Variants in ZNF431 observed in about 807,000 individuals in gnomAD.
The protein encoded by ZNF431 is zinc finger protein 431.
ZNF431 carries 34 observed loss-of-function variants against 57.0 expected under a neutral mutation model. The ratio of observed to expected loss-of-function variants is 0.60; its 90% CI spans 0.45 to 0.79. ZNF431 has a LOEUF of 0.79. Ranked by LOEUF, ZNF431 falls within the 30% of genes least tolerant of loss-of-function variation. The pLI, the probability that ZNF431 is intolerant of heterozygous loss-of-function variation, is 0.00. For missense variants in ZNF431, 607 were observed against 667.1 expected, an observed-to-expected ratio of 0.91 and a Z score of 0.99; for synonymous variants, 207 against 220.3, an observed-to-expected ratio of 0.94 and a Z score of 0.54.
chr19:21,143,039 C>T (rs751422698), intron 1 of ZNF431, among the ~76,000 whole-genome samples: 8 of 152,226 alleles, frequency 5.3e-5, no homozygotes, highest in Admixed American at 3.3e-4. Context: ...GTCTAACCCC[C>T]ATTCCTCATT....
rs569251044 is a variant in ZNF431 at position 21,180,958 on chromosome 19, AAAG to A, written c.320-1662_320-1660del. Among the ~76,000 whole-genome samples the A allele has an allele frequency of 7.8e-3, 1,188 of 152,002 alleles. 15 individuals are homozygous for A. Among genetic ancestry groups the A allele is most frequent in the African/African-American group, 0.024 (1,000 of 41,458 alleles). On this transcript the variant is annotated intron_variant, in intron 4 of 4. Coordinates refer to ENST00000311048, the MANE Select transcript of ZNF431 (RefSeq NM_133473.4). ...CCATATCAAAAGAAAAAAAAAAAAA[AAAG>A]AACTTCAGTTGCATCCAAAAATTTT...
intron 2 of ZNF431, among the ~76,000 whole-genome samples, chr19:21,158,810 A>G (rs960662819): frequency 6.6e-6 from 1 of 151,956 alleles, no homozygotes; most frequent in African/African-American, 2.4e-5. Context: ...GATGTCTTTT[A>G]TTTTAATCTT....
intron 2 of ZNF431, among the ~76,000 whole-genome samples, chr19:21,147,748 G>A (rs1428779366): frequency 2.0e-5 from 3 of 152,114 alleles, no homozygotes; most frequent in African/African-American, 7.2e-5. Flanking sequence ...AAGGTTGCAT[G>A]TTGACTCAGA....
rs904714627 is a variant in ZNF431, at chr19:21,144,524, G to A, written c.96+881G>A. ...TGGCAGGTAGGAAAATATTTACAAA[G>A]GGCATAAAAGAGGTGGGTTTTAGAA... On this transcript the variant is annotated intron_variant, in intron 2 of 4. Transcript: ENST00000311048. Among the ~76,000 whole-genome samples the A allele has an allele frequency of 2.5e-4, 38 of 151,980 alleles. 1 individual carries two copies. The highest frequency in any genetic ancestry group is 6.6e-5 in the Admixed American group (1 of 15,250).
intron 4 of ZNF431, 83 bp downstream of exon 4, chr19:21,167,749 T>G: frequency 1.1e-6 from 1 of 938,494 alleles, no homozygotes; most frequent in Non-Finnish European, 1.5e-6. Flanking sequence ...CCTTACAATG[T>G]GTTTTGGGAA....
Position 21,188,872 on chromosome 19 carries a change from G to T in ZNF431, c.*4838G>T, listed in dbSNP as rs1019983321. On this transcript the variant is annotated 3_prime_UTR_variant, in exon 5 of 5. Transcript: ENST00000311048. Reference sequence around the variant, plus strand: ...TTACCATCAGCACCAGAAACTCCAGGTGCCCCAAGCTTAAAGTAAAAATCC... The same window carrying T: ...TTACCATCAGCACCAGAAACTCCAGTTGCCCCAAGCTTAAAGTAAAAATCC... 2 of 152,104 alleles carry T rather than the reference G, an allele frequency of 1.3e-5. No individual in the cohort carries two copies. Among genetic ancestry groups the T allele is most frequent in the African/African-American group, 4.8e-5 (2 of 41,402 alleles). 9.4% of individuals were successfully genotyped at this position (152,104 alleles called of 1,614,324 possible).
chr19:21,183,578 G>T lies in ZNF431; in HGVS notation c.1275G>T (p.Glu425Asp). Residue 425 changes from glutamate (E) to aspartate (D), a missense_variant, in exon 5 of 5, where the codon GAG (glutamate) becomes GAT (aspartate). Physicochemically the swap from Glu to Asp is conservative, Grantham distance 45 (BLOSUM62 2). Coordinates refer to ENST00000311048, the MANE Select transcript of ZNF431 (RefSeq NM_133473.4). ...LTTHKMIHTG[E>D]KPYKCEECGK... ...CACATAAGATGATTCATACTGGAGA[G>T]AAACCCTACAAATGTGAAGAATGTG... is the stretch of plus-strand genomic sequence containing the variant. 6.2e-7 allele frequency: 1 copy of T among 1,613,348 alleles called. No homozygotes were observed. Among genetic ancestry groups the T allele is most frequent in the East Asian group, 2.2e-5 (1 of 44,860 alleles).
Position 21,191,453 on chromosome 19 carries a change from A to G in ZNF431, c.*7419A>G, listed in dbSNP as rs76052996. 6.8e-6 allele frequency: 1 copy of G among 147,170 alleles called. No individual in the cohort carries two copies. The highest frequency in any genetic ancestry group is 2.5e-5 in the African/African-American group (1 of 40,064). 9.1% of individuals were successfully genotyped at this position (147,170 alleles called of 1,614,324 possible). On this transcript the variant is annotated 3_prime_UTR_variant, in exon 5 of 5. Coordinates refer to ENST00000311048, the MANE Select transcript of ZNF431 (RefSeq NM_133473.4). ...GGCAACAGAATGAAACTCTGTCTCAAAAAAAAAAAAAAATTTGCTGCCCAG... is the reference window on the plus strand; with the variant it reads ...GGCAACAGAATGAAACTCTGTCTCAGAAAAAAAAAAAAATTTGCTGCCCAG...
Position 21,183,584 on chromosome 19 carries a change from C to A in ZNF431, c.1281C>A (p.Pro427=), listed in dbSNP as rs1971276425. The change falls in exon 5 of 5, where the codon CCC becomes CCA. Residue 427 remains proline, a synonymous_variant. Coordinates refer to ENST00000311048, the MANE Select transcript of ZNF431 (RefSeq NM_133473.4). ...THKMIHTGEK[P]YKCEECGKAF... Reference sequence around the variant, plus strand: ...AGATGATTCATACTGGAGAGAAACCCTACAAATGTGAAGAATGTGGCAAAG... The same window carrying A: ...AGATGATTCATACTGGAGAGAAACCATACAAATGTGAAGAATGTGGCAAAG... The A allele has an allele frequency of 6.2e-7, 1 of 1,612,538 alleles. No individual in the cohort carries two copies. Among genetic ancestry groups the A allele is most frequent in the East Asian group, 2.2e-5 (1 of 44,786 alleles).
In ZNF431 at chr19:21,143,557, T is replaced by C. The variant is rs1363667801; in HGVS notation, c.10T>C (p.Leu4=). 2 of 1,613,454 alleles carry C rather than the reference T, an allele frequency of 1.2e-6. No homozygotes were observed. Among genetic ancestry groups the C allele is most frequent in the South Asian group, 1.1e-5 (1 of 90,994 alleles). ...GGTTTATTTTCTTCCATAGGACGAC[T>C]TGAAATATGGAGTGTATCCTCTCAA... MDD[L]KYGVYPLKEA... Residue 4 remains leucine, a synonymous_variant, in exon 2 of 5, where the codon TTG becomes CTG. Transcript: ENST00000311048.
intron 4 of ZNF431, among the ~76,000 whole-genome samples, chr19:21,171,825 A>G (rs1396692006): frequency 6.9e-6 from 1 of 145,312 alleles, no homozygotes; most frequent in Non-Finnish European, 1.5e-5. Flanking sequence ...GGTTCAAGTG[A>G]TTCTCCTGCC....
chr19:21,170,942 G>A (rs934151850), intron 4 of ZNF431, among the ~76,000 whole-genome samples: 25 of 152,230 alleles, frequency 1.6e-4, no homozygotes, highest in African/African-American at 5.8e-4. Flanking sequence ...CAGATTGCTG[G>A]GATTACAGGC....
chr19:21,168,573 G>T (rs1229211984), intron 4 of ZNF431, among the ~76,000 whole-genome samples: 1 of 152,054 alleles, frequency 6.6e-6, no homozygotes. Flanking sequence ...TCACCGTGCT[G>T]TTCAGACTGG....
At chr19:21,147,348 A>G (rs1380373224) in intron 2 of ZNF431, among the ~76,000 whole-genome samples, 1 of 151,918 alleles carries the variant, frequency 6.6e-6, no homozygotes, top group Non-Finnish European at 1.5e-5. Context: ...AAATAGCTGG[A>G]TGTGCTGGTG....
At chr19:21,151,526 C>G (rs1356521451) in intron 2 of ZNF431, among the ~76,000 whole-genome samples, 3 of 152,156 alleles carry the variant, frequency 2.0e-5, no homozygotes, top group Non-Finnish European at 4.4e-5. Flanking sequence ...TGGTAAAGCT[C>G]ACCCAAATAT....
rs1971252801 is a variant in ZNF431, at chr19:21,183,005, T to A, written c.702T>A (p.Cys234Ter). ...RIHIRENSYQ[C>*]EECGKAFKWF... is the part of the protein sequence containing the mutation. ...ATATTAGAGAGAATTCTTACCAATG[T>A]GAAGAATGTGGCAAAGCTTTTAAAT... The change falls in exon 5 of 5, where the codon TGT (cysteine) becomes TGA (stop). Residue 234 changes from cysteine (C) to a stop codon, truncating the protein, a stop_gained. Coordinates refer to ENST00000311048, the MANE Select transcript of ZNF431 (RefSeq NM_133473.4). LOFTEE classifies it high-confidence loss of function. The A allele has an allele frequency of 6.2e-7, 1 of 1,614,028 alleles. No individual in the cohort carries two copies. The highest frequency in any genetic ancestry group is 1.1e-5 in the South Asian group (1 of 91,086).
At chr19:21,165,353 C>A (rs1970693326) in intron 2 of ZNF431, among the ~76,000 whole-genome samples, 2 of 152,094 alleles carry the variant, frequency 1.3e-5, no homozygotes, top group South Asian at 4.1e-4. Context: ...TTAAGAGATA[C>A]CTGCTCTCTA....
intron 2 of ZNF431, among the ~76,000 whole-genome samples, chr19:21,147,033 T>C (rs7250987): frequency 0.93 from 142,276 of 152,294 alleles, 66,707 homozygotes; most frequent in Middle Eastern, 0.98. Context: ...ACATTTTATG[T>C]GAAGTCAAAA....
intron 2 of ZNF431, among the ~76,000 whole-genome samples, chr19:21,159,231 A>T (rs756508932): frequency 1.2e-4 from 19 of 152,032 alleles, no homozygotes; most frequent in Non-Finnish European, 1.6e-4. Context: ...TTTGTTGAGA[A>T]AGTTTTCTTC....
Sources: allele counts gnomAD v4.1 joint callset (sites outside exome capture counted in the v4.1 genomes callset), GRCh38; gene constraint gnomAD v4.1.1; transcripts MANE v1.5; gene names NCBI Gene and HGNC (gene_info 2026-07-23, HGNC 2026-07-21).